The following MTA3 variants were observed in gnomAD, a reference collection of about 807,000 sequenced individuals.
MTA3 encodes the protein metastasis associated 1 family member 3, also known as metastasis-associated protein MTA3.
A neutral mutation model predicts 83.5 loss-of-function variants in MTA3; 34 were observed. The observed-to-expected ratio is 0.41, with a 90% CI of 0.31 to 0.54. MTA3 has a LOEUF of 0.54. MTA3 is among the 20% of genes least tolerant of loss of function. The pLI is 0.33. For missense variants in MTA3, 761 were observed against 726.4 expected, an observed-to-expected ratio of 1.05 and a Z score of -0.55; for synonymous variants, 303 against 252.7, an observed-to-expected ratio of 1.20 and a Z score of -1.89.
intron 16 of MTA3, among the ~76,000 whole-genome samples, chr2:42,723,939 T>A (rs1245375417): frequency 6.6e-6 from 1 of 152,182 alleles, no homozygotes; most frequent in Non-Finnish European, 1.5e-5. Context: ...GTCAAAAATG[T>A]GTAAAACAGT....
At chr2:42,596,009 G>C (rs1283564558) in intron 3 of MTA3, among the ~76,000 whole-genome samples, 1 of 152,106 alleles carries the variant, frequency 6.6e-6, no homozygotes, top group East Asian at 1.9e-4. Context: ...AAATACTAAA[G>C]AGAGAAGGGA....
At chr2:42,605,765 T>G (rs1384615406) in intron 3 of MTA3, among the ~76,000 whole-genome samples, 30 of 112,096 alleles carry the variant, frequency 2.7e-4, no homozygotes, top group Non-Finnish European at 2.6e-4. Context: ...GCAGAGGGGC[T>G]CCTCACTTCC....
chr2:42,494,193 GC>G (rs1051512499), upstream of MTA3: 10 of 152,100 alleles, frequency 6.6e-5, no homozygotes, highest in African/African-American at 2.4e-4. Context: ...GCCTCGTGAC[GC>G]CGTCCTCCCC....
At chr2:42,742,494 G>A (rs913188402) in intron 16 of MTA3, among the ~76,000 whole-genome samples, 3 of 151,974 alleles carry the variant, frequency 2.0e-5, no homozygotes, top group African/African-American at 4.8e-5. Context: ...CTCATCTGCC[G>A]ATATACCAAA....
At chr2:42,608,893 G>A (rs1331747212) in intron 3 of MTA3, among the ~76,000 whole-genome samples, 1 of 152,004 alleles carries the variant, frequency 6.6e-6, no homozygotes, top group East Asian at 1.9e-4. Flanking sequence ...CGAAAAAAAA[G>A]TGAATTAATT....
At chr2:42,682,367 T>C (rs780721130) in intron 8 of MTA3, 34 bp from the exon 9 acceptor site, 2 of 1,485,496 alleles carry the variant, frequency 1.3e-6, no homozygotes, top group Non-Finnish European at 1.8e-6. Context: ...TTTGCATTTC[T>C]GGTTGATATT....
intron 4 of MTA3, among the ~76,000 whole-genome samples, chr2:42,628,177 C>T (rs889175506): frequency 1.3e-4 from 19 of 151,388 alleles, no homozygotes; most frequent in Non-Finnish European, 2.4e-4. Flanking sequence ...CCACCGTGCC[C>T]GGCGGTTCTT....
intron 16 of MTA3, among the ~76,000 whole-genome samples, chr2:42,730,628 T>A (rs1336590345): frequency 1.3e-5 from 2 of 152,182 alleles, no homozygotes; most frequent in Admixed American, 1.3e-4. Flanking sequence ...TTGTTGAGGT[T>A]TTTTCGTCAG....
intron 2 of MTA3, among the ~76,000 whole-genome samples, chr2:42,525,908 C>T (rs569163162): frequency 2.0e-4 from 29 of 148,280 alleles, no homozygotes; most frequent in Admixed American, 8.8e-4. Context: ...AATCCACCTG[C>T]CTCAGCCTCC....
At chr2:42,619,897 C>T (rs1247123786) in intron 4 of MTA3, among the ~76,000 whole-genome samples, 2 of 152,074 alleles carry the variant, frequency 1.3e-5, no homozygotes, top group Non-Finnish European at 2.9e-5. Context: ...TTCTAGAACG[C>T]TGTGCATTCA....
chr2:42,523,457 C>T (rs887344158), intron 2 of MTA3, among the ~76,000 whole-genome samples: 4 of 152,120 alleles, frequency 2.6e-5, no homozygotes, highest in Middle Eastern at 3.2e-3. Context: ...CAGCCTCAAC[C>T]AGGAAGATGA....
chr2:42,707,328 C>T (rs1666188037), intron 12 of MTA3, among the ~76,000 whole-genome samples: 1 of 152,012 alleles, frequency 6.6e-6, no homozygotes, highest in Non-Finnish European at 1.5e-5. Context: ...ACTGTAACCT[C>T]TGCCTCCCAC....
At chr2:42,640,692 C>G (rs1195963479) in intron 5 of MTA3, among the ~76,000 whole-genome samples, 1 of 152,098 alleles carries the variant, frequency 6.6e-6, no homozygotes, top group African/African-American at 2.4e-5. Context: ...CACTAAACCT[C>G]AACAAGAAAT....
chr2:42,741,193 C>T (rs993352561), intron 16 of MTA3, among the ~76,000 whole-genome samples: 7 of 152,236 alleles, frequency 4.6e-5, no homozygotes, highest in African/African-American at 1.7e-4. Context: ...GCTTCCTCAC[C>T]TCTCTCAGTC....
chr2:42,566,691 G>A (rs1677924062), upstream of MTA3, among the ~76,000 whole-genome samples: 1 of 152,202 alleles, frequency 6.6e-6, no homozygotes, highest in Admixed American at 6.5e-5. Flanking sequence ...CTTGGGAAAT[G>A]AGACAGGCAC....
intron 16 of MTA3, among the ~76,000 whole-genome samples, chr2:42,750,927 C>T (rs1000806269): frequency 2.0e-5 from 3 of 152,218 alleles, no homozygotes; most frequent in Admixed American, 6.5e-5. Context: ...TCAGTCCCCT[C>T]CCCTACTTCC....
At chr2:42,728,624 T>C (rs183695408) in intron 16 of MTA3, among the ~76,000 whole-genome samples, 2 of 152,206 alleles carry the variant, frequency 1.3e-5, no homozygotes, top group East Asian at 1.9e-4. Flanking sequence ...CATTCCTTAT[T>C]GCCTGCCTTT....
intron 2 of MTA3, among the ~76,000 whole-genome samples, chr2:42,552,024 C>T (rs903247721): frequency 6.6e-6 from 1 of 152,058 alleles, no homozygotes; most frequent in African/African-American, 2.4e-5. Context: ...CCGTGCCTGG[C>T]CTGTTTGTTT....
At chr2:42,502,036 A>G (rs536187205) in intron 2 of MTA3, among the ~76,000 whole-genome samples, 3 of 152,234 alleles carry the variant, frequency 2.0e-5, no homozygotes, top group African/African-American at 7.2e-5. Context: ...CTGATGGCTT[A>G]CAGGTAAGGG....
Sources: allele counts gnomAD v4.1 joint callset (sites outside exome capture counted in the v4.1 genomes callset), GRCh38; gene constraint gnomAD v4.1.1; transcripts MANE v1.5; gene names NCBI Gene and HGNC (gene_info 2026-07-23, HGNC 2026-07-21).